FMN1: variants seen among roughly 807,000 people sequenced by gnomAD.
FMN1 encodes formin-1.
FMN1 carries 110 observed loss-of-function variants against 132.4 expected under a neutral mutation model. The observed-to-expected ratio is 0.83, with a 90% confidence interval of 0.71 to 0.97. The LOEUF (loss-of-function observed/expected upper bound fraction) is 0.97, where lower values mean the gene tolerates loss of function less well. Among genes scored for constraint, FMN1 ranks in the 50% least tolerant of loss-of-function variants. FMN1 has a pLI of 0.00. For synonymous variants in FMN1, 722 were observed against 651.7 expected (o/e 1.11, Z -1.64); for missense variants, 1,792 against 1,705.3 (o/e 1.05, Z -0.90).
chr15:32,813,086 A>G (rs1396090840), intron 17 of FMN1, among the ~76,000 whole-genome samples: 2 of 152,204 alleles, frequency 1.3e-5, no homozygotes, highest in African/African-American at 4.8e-5. Flanking sequence ...CTAGTTATAT[A>G]GCATTTACAT....
chr15:32,963,520 A>G (rs2030840962), intron 9 of FMN1, among the ~76,000 whole-genome samples: 1 of 152,176 alleles, frequency 6.6e-6, no homozygotes, highest in Admixed American at 6.5e-5. Flanking sequence ...AAGAAAAAAA[A>G]AAGAAGGTGG....
chr15:32,870,716 T>C (rs2059495521), intron 16 of FMN1, among the ~76,000 whole-genome samples: 2 of 152,172 alleles, frequency 1.3e-5, no homozygotes, highest in South Asian at 4.1e-4. Flanking sequence ...CACCTACCCA[T>C]GACGAGGCCT....
At chr15:33,096,411 GA>G (rs1317934334) in intron 4 of FMN1, among the ~76,000 whole-genome samples, 2 of 152,082 alleles carry the variant, frequency 1.3e-5, no homozygotes, top group Non-Finnish European at 2.9e-5. Flanking sequence ...TTAAAGTGAT[GA>G]ACTCTTCATC....
At chr15:33,118,208 G>C (rs2040001183) in intron 4 of FMN1, among the ~76,000 whole-genome samples, 1 of 152,106 alleles carries the variant, frequency 6.6e-6, no homozygotes, top group African/African-American at 2.4e-5. Context: ...TGGGAAACTA[G>C]CTTTTTCTGT....
intron 4 of FMN1, among the ~76,000 whole-genome samples, chr15:33,133,357 A>G (rs901556143): frequency 2.0e-5 from 3 of 152,206 alleles, no homozygotes; most frequent in African/African-American, 7.2e-5. Context: ...CTTCTCAGAG[A>G]TCAGTCTTCT....
intron 19 of FMN1, among the ~76,000 whole-genome samples, chr15:32,777,470 T>TA (rs1555451081): frequency 7.5e-6 from 1 of 133,518 alleles, no homozygotes; most frequent in African/African-American, 2.6e-5. Context: ...ATATTACGTA[T>TA]ATTTATATAT....
At chr15:33,151,459 C>T (rs1964435789) in intron 4 of FMN1, 2 of 1,423,966 alleles carry the variant, frequency 1.4e-6, no homozygotes, top group African/African-American at 2.9e-5. Context: ...CACCTTGTCA[C>T]TCAGTGGGCT....
chr15:32,815,174 C>T (rs2058017921), intron 17 of FMN1, among the ~76,000 whole-genome samples: 1 of 152,080 alleles, frequency 6.6e-6, no homozygotes, highest in African/African-American at 2.4e-5. Flanking sequence ...GATCTCCTGA[C>T]CTCGTGATCT....
chr15:33,135,796 C>G lies in FMN1; in HGVS notation c.1867+17252G>C, dbSNP rs531995831. On this transcript the variant is annotated intron_variant, in intron 4 of 20. Transcript: ENST00000616417. ...GCATTGCGTACCAATACTAACTGTT[C>G]TATTCTATGAACCAAAAAAACCATG... Among the ~76,000 whole-genome samples, 10 of 152,302 alleles carry G rather than the reference C, an allele frequency of 6.6e-5. No individual in the cohort carries two copies. The South Asian group carries it at 2.1e-3, about 32-fold the overall frequency.
chr15:32,819,935 CA>C (rs2058164991), intron 17 of FMN1, among the ~76,000 whole-genome samples: 1 of 152,114 alleles, frequency 6.6e-6, no homozygotes, highest in South Asian at 2.1e-4. Context: ...ACAGGACTGG[CA>C]AGAATAATCT....
chr15:33,088,335 C>T (rs1281075018), intron 5 of FMN1, among the ~76,000 whole-genome samples: 1 of 152,186 alleles, frequency 6.6e-6, no homozygotes, highest in Non-Finnish European at 1.5e-5. Flanking sequence ...AGATTTTCTG[C>T]CAACCTAGTC....
intron 4 of FMN1, among the ~76,000 whole-genome samples, chr15:33,090,982 T>C (rs1439999622): frequency 6.6e-6 from 1 of 152,226 alleles, no homozygotes; most frequent in Non-Finnish European, 1.5e-5. Flanking sequence ...ACTCTCACTG[T>C]ACTACCTCAT....
chr15:33,152,292 A>G (rs1023273700), intron 4 of FMN1, among the ~76,000 whole-genome samples: 1 of 152,204 alleles, frequency 6.6e-6, no homozygotes, highest in African/African-American at 2.4e-5. Context: ...TTTAAATCAC[A>G]TTAAGTATGT....
At chr15:33,031,661 G>A (rs1240716501) in intron 6 of FMN1, among the ~76,000 whole-genome samples, 1 of 152,206 alleles carries the variant, frequency 6.6e-6, no homozygotes, top group Non-Finnish European at 1.5e-5. Flanking sequence ...TAAGCAGCCA[G>A]ATGCATCCAG....
chr15:32,877,939 T>C (rs900956288), intron 16 of FMN1, among the ~76,000 whole-genome samples: 4 of 152,096 alleles, frequency 2.6e-5, no homozygotes, highest in African/African-American at 9.7e-5. Context: ...ACAGTAAATA[T>C]AAACATAAAA....
chr15:33,001,353 G>A (rs1039765884), intron 7 of FMN1, among the ~76,000 whole-genome samples: 1 of 151,926 alleles, frequency 6.6e-6, no homozygotes, highest in Non-Finnish European at 1.5e-5. Flanking sequence ...AAGATTTATT[G>A]ATTATTTAAA....
At chr15:33,101,037 TC>T (rs1341251133) in intron 4 of FMN1, among the ~76,000 whole-genome samples, 1 of 152,236 alleles carries the variant, frequency 6.6e-6, no homozygotes, top group Non-Finnish European at 1.5e-5. Context: ...TTCTGTACTT[TC>T]TACCGTTTTT....
At chr15:32,930,530 C>T (rs1341967128) in intron 9 of FMN1, among the ~76,000 whole-genome samples, 2 of 151,880 alleles carry the variant, frequency 1.3e-5, no homozygotes, top group African/African-American at 4.8e-5. Flanking sequence ...TACATATTGG[C>T]CATTTGTATA....
At chr15:33,168,067 G>A (rs763819904) in intron 3 of FMN1, among the ~76,000 whole-genome samples, 9 of 152,110 alleles carry the variant, frequency 5.9e-5, no homozygotes, top group Non-Finnish European at 8.8e-5. Context: ...CCTATGAGTG[G>A]GTACTAATAA....
Sources: allele counts gnomAD v4.1 joint callset (sites outside exome capture counted in the v4.1 genomes callset), GRCh38; gene constraint gnomAD v4.1.1; transcripts MANE v1.5; gene names NCBI Gene and HGNC (gene_info 2026-07-23, HGNC 2026-07-21).